MMAA: variants seen among roughly 807,000 people sequenced by gnomAD.
MMAA encodes methylmalonic aciduria type A protein, mitochondrial.
A neutral mutation model predicts 45.0 loss-of-function variants in MMAA; 41 were observed. That is an observed-to-expected ratio of 0.91 (90% confidence interval 0.71 to 1.18). MMAA has a LOEUF of 1.18. MMAA is among the 50% of genes most tolerant of loss of function. The pLI is 0.00. For synonymous variants in MMAA, 154 were observed against 178.2 expected (o/e 0.86, Z 1.08); for missense variants, 460 against 495.7 (o/e 0.93, Z 0.68).
rs1578877586 is a variant in MMAA at position 145,639,334 on chromosome 4, A to C, written c.195A>C (p.Leu65Phe). The change falls in exon 2 of 7, where the codon TTA (leucine) becomes TTC (phenylalanine). Residue 65 changes from leucine to phenylalanine, a missense_variant. Transcript: ENST00000649156. The stretch of plus-strand genomic sequence containing the variant: ...TGTCAGATGGCTTAAAGAGAAAATT[A>C]TGTGTACAAACAACCTTAAAGGACC... Reference protein sequence around the residue: ...MLLSDGLKRKLCVQTTLKDHT... With the variant: ...MLLSDGLKRKFCVQTTLKDHT... The C allele has an allele frequency of 6.2e-7, 1 of 1,614,228 alleles. No individual in the cohort carries two copies. The highest frequency in any genetic ancestry group is 8.5e-7 in the Non-Finnish European group (1 of 1,180,036).
At chr4:145,626,216 A>G (rs1734204119) in intron 1 of MMAA, among the ~76,000 whole-genome samples, 2 of 152,216 alleles carry the variant, frequency 1.3e-5, no homozygotes, top group Non-Finnish European at 2.9e-5. Flanking sequence ...CAGGTAGGAA[A>G]TAATCCTTCT....
rs575116276 is a variant in MMAA, at chr4:145,638,285, C to T, written c.-65-790C>T. On this transcript the variant is annotated intron_variant, in intron 1 of 6. Coordinates refer to ENST00000649156, the MANE Select transcript of MMAA (RefSeq NM_172250.3). ...TCGGGAGACTGAGGCAGGAGAATGGCGTGAACCCGGGAGGCGGAGCTTGCA... is the reference window on the plus strand; with the variant it reads ...TCGGGAGACTGAGGCAGGAGAATGGTGTGAACCCGGGAGGCGGAGCTTGCA... Among the ~76,000 whole-genome samples, 334 of 152,232 alleles carry T rather than the reference C, an allele frequency of 2.2e-3. 1 individual carries two copies. Among genetic ancestry groups the T allele is most frequent in the African/African-American group, 7.4e-3 (306 of 41,534 alleles).
chr4:145,640,095 T>C (rs1727738367), intron 2 of MMAA, among the ~76,000 whole-genome samples: 1 of 152,116 alleles, frequency 6.6e-6, no homozygotes, highest in Non-Finnish European at 1.5e-5. Context: ...ATTTTATTTA[T>C]TTTTATTTTT....
chr4:145,624,074 AAC>A (rs1734145702), intron 1 of MMAA: 2 of 846,682 alleles, frequency 2.4e-6, no homozygotes, highest in Non-Finnish European at 2.1e-6. Flanking sequence ...CAGACCCAGA[AAC>A]ACAATGATTT....
intron 1 of MMAA, among the ~76,000 whole-genome samples, chr4:145,634,986 CT>C (rs995319155): frequency 6.6e-6 from 1 of 151,878 alleles, no homozygotes; most frequent in Non-Finnish European, 1.5e-5. Flanking sequence ...GAAGGTGTCT[CT>C]TTTGCAGCCA....
At chr4:145,624,113 A>C in intron 1 of MMAA, 2 of 1,118,804 alleles carry the variant, frequency 1.8e-6, no homozygotes, top group Non-Finnish European at 2.7e-6. Flanking sequence ...TCAGCTCATG[A>C]TGTGTGATAA....
chr4:145,631,597 C>G (rs1270809182), intron 1 of MMAA, among the ~76,000 whole-genome samples: 2 of 151,888 alleles, frequency 1.3e-5, no homozygotes, highest in Non-Finnish European at 2.9e-5. Context: ...TTTTTTTATC[C>G]ATTCCACCAC....
At chr4:145,648,398 G>A (rs1169998024) in intron 4 of MMAA, among the ~76,000 whole-genome samples, 4 of 151,864 alleles carry the variant, frequency 2.6e-5, no homozygotes, top group African/African-American at 4.8e-5. Flanking sequence ...CGCCCGCCTC[G>A]GCCTGCCAAA....
chr4:145,621,444 T>G (rs1287957074), intron 1 of MMAA, among the ~76,000 whole-genome samples: 1 of 152,220 alleles, frequency 6.6e-6, no homozygotes, highest in Non-Finnish European at 1.5e-5. Flanking sequence ...GAGAATCCCT[T>G]CATGAATTTG....
intron 1 of MMAA, among the ~76,000 whole-genome samples, chr4:145,623,287 C>T (rs1356111059): frequency 6.6e-6 from 1 of 152,180 alleles, no homozygotes; most frequent in Non-Finnish European, 1.5e-5. Flanking sequence ...CCAATAATCC[C>T]TATGATAGTG....
intron 1 of MMAA, among the ~76,000 whole-genome samples, chr4:145,629,817 A>G (rs1288862057): frequency 6.6e-6 from 1 of 152,144 alleles, no homozygotes; most frequent in Non-Finnish European, 1.5e-5. Flanking sequence ...TGTGAGACTC[A>G]TTCACTATCA....
chr4:145,624,739 A>T, intron 1 of MMAA: 1 of 1,591,024 alleles, frequency 6.3e-7, no homozygotes, highest in East Asian at 2.2e-5. Flanking sequence ...AGCCACTTAT[A>T]CAGAGCCTTC....
chr4:145,653,893 T>C lies in MMAA; in HGVS notation c.820-101T>C, dbSNP rs58912137. 4,521 of 1,266,488 alleles carry C rather than the reference T, an allele frequency of 3.6e-3. 130 individuals carry two copies. The African/African-American group carries it at 0.059, about 17-fold the overall frequency. 78.5% of individuals were successfully genotyped at this position (1,266,488 alleles called of 1,614,324 possible). The stretch of plus-strand genomic sequence containing the variant: ...TTGGCATCCAGGGCTTAGGAGGATA[T>C]GGATGAAAAGTTAATGAAATGTATG... On this transcript the variant is annotated intron_variant, in intron 5 of 6. Transcript: ENST00000649156.
intron 4 of MMAA, among the ~76,000 whole-genome samples, chr4:145,647,043 A>G (rs1034793990): frequency 6.6e-6 from 1 of 152,190 alleles, no homozygotes; most frequent in African/African-American, 2.4e-5. Flanking sequence ...CCCTGGCAGC[A>G]GAGTATAGAA....
chr4:145,639,408 A>T lies in MMAA; in HGVS notation c.269A>T (p.Tyr90Phe), dbSNP rs148404005. The part of the protein sequence containing the change: ...DKEQRFVDKL[Y>F]TGLIQGQRAC... ...GAGCAAAGATTTGTGGATAAACTTT[A>T]TACTGGTTTAATCCAAGGGCAAAGG... Residue 90 changes from tyrosine to phenylalanine, a missense_variant, in exon 2 of 7, where the codon TAT (tyrosine) becomes TTT (phenylalanine). Transcript: ENST00000649156. 76 of 1,614,224 alleles carry T rather than the reference A, an allele frequency of 4.7e-5. No homozygotes were observed. The African/African-American group carries it at 9.6e-4, about 20-fold the overall frequency.
chr4:145,631,228 C>G (rs1734328962), intron 1 of MMAA, among the ~76,000 whole-genome samples: 1 of 152,164 alleles, frequency 6.6e-6, no homozygotes, highest in African/African-American at 2.4e-5. Flanking sequence ...GAAGATATGT[C>G]CAATACTGAA....
intron 1 of MMAA, among the ~76,000 whole-genome samples, chr4:145,638,597 T>C (rs1410514764): frequency 6.6e-6 from 1 of 152,228 alleles, no homozygotes; most frequent in Non-Finnish European, 1.5e-5. Context: ...AATACAAACA[T>C]GTATCTAAAC....
At chr4:145,642,633 C>A in intron 3 of MMAA, 148 bp downstream of exon 3, 6 of 1,130,084 alleles carry the variant, frequency 5.3e-6, no homozygotes, top group Non-Finnish European at 6.6e-6. Context: ...TAGGTGGAAG[C>A]TGAGAGAAGT....
chr4:145,658,204 A>C lies in MMAA; in HGVS notation c.*2770A>C, dbSNP rs1202590397. On this transcript the variant is annotated 3_prime_UTR_variant, in exon 7 of 7. Coordinates refer to ENST00000649156, the MANE Select transcript of MMAA (RefSeq NM_172250.3). Reference sequence around the variant, plus strand: ...TAGTCTGTAGAACCATAAGCCAAATAAACATCTTTTCTTTATAAATTTATA... The same window carrying C: ...TAGTCTGTAGAACCATAAGCCAAATCAACATCTTTTCTTTATAAATTTATA... The C allele has an allele frequency of 2.0e-5, 3 of 152,232 alleles. No homozygotes were observed. Among genetic ancestry groups the C allele is most frequent in the Non-Finnish European group, 4.4e-5 (3 of 68,056 alleles). 9.4% of individuals were successfully genotyped at this position (152,232 alleles called of 1,614,324 possible).
Sources: allele counts gnomAD v4.1 joint callset (sites outside exome capture counted in the v4.1 genomes callset), GRCh38; gene constraint gnomAD v4.1.1; transcripts MANE v1.5; gene names NCBI Gene and HGNC (gene_info 2026-07-23, HGNC 2026-07-21).